The following CNIH3 variants were observed in gnomAD, a reference collection of about 807,000 sequenced individuals.
The protein encoded by CNIH3 is cornichon family AMPA receptor auxiliary protein 3.
A neutral mutation model predicts 24.1 loss-of-function variants in CNIH3; 14 were observed. That is an observed-to-expected ratio of 0.58 (90% CI 0.38 to 0.91). The LOEUF is 0.91. Among genes scored for constraint, CNIH3 ranks in the 40% least tolerant of loss-of-function variants. CNIH3 has a pLI of 0.00. For missense variants in CNIH3, 178 were observed against 196.8 expected (o/e 0.90, Z 0.57); for synonymous variants, 68 against 73.8 (o/e 0.92, Z 0.40).
intron 4 of CNIH3, among the ~76,000 whole-genome samples, chr1:224,573,384 A>G (rs528832766): frequency 4.6e-5 from 7 of 152,304 alleles, no homozygotes; most frequent in Admixed American, 4.6e-4. Context: ...AGATGTATGA[A>G]AATGGGTCTG....
At chr1:224,462,375 C>A (rs1259722021) in intron 1 of CNIH3, among the ~76,000 whole-genome samples, 1 of 152,096 alleles carries the variant, frequency 6.6e-6, no homozygotes, top group African/African-American at 2.4e-5. Context: ...GCCCTGTCAC[C>A]CAGGTTGGAG....
At chr1:224,494,425 A>G (rs986308532) in intron 1 of CNIH3, among the ~76,000 whole-genome samples, 4 of 152,154 alleles carry the variant, frequency 2.6e-5, no homozygotes, top group African/African-American at 7.2e-5. Flanking sequence ...CCAGTGCTAC[A>G]TCTTGTGTTC....
At chr1:224,509,106 C>T (rs969675247) in intron 1 of CNIH3, among the ~76,000 whole-genome samples, 4 of 152,080 alleles carry the variant, frequency 2.6e-5, no homozygotes, top group East Asian at 1.9e-4. Flanking sequence ...GTGGATCACT[C>T]GAGGTCAGGA....
At chr1:224,676,360 C>G (rs1035536447) in intron 1 of CNIH3, among the ~76,000 whole-genome samples, 4 of 151,220 alleles carry the variant, frequency 2.6e-5, no homozygotes, top group African/African-American at 7.3e-5. Flanking sequence ...TGAGACATGG[C>G]GGGGGGGTGT....
At chr1:224,568,067 G>A (rs962575493) in intron 4 of CNIH3, among the ~76,000 whole-genome samples, 7 of 152,236 alleles carry the variant, frequency 4.6e-5, no homozygotes, top group Admixed American at 1.3e-4. Context: ...CAAGGCGGGC[G>A]GATCACGAGG....
intron 1 of CNIH3, among the ~76,000 whole-genome samples, chr1:224,640,619 T>C (rs1459192399): frequency 6.6e-6 from 1 of 152,110 alleles, no homozygotes; most frequent in Non-Finnish European, 1.5e-5. Context: ...CTCTGCTCAT[T>C]AGTTTCTGTG....
intron 4 of CNIH3, among the ~76,000 whole-genome samples, chr1:224,576,540 G>C (rs1681045178): frequency 6.6e-6 from 1 of 152,104 alleles, no homozygotes; most frequent in African/African-American, 2.4e-5. Flanking sequence ...AGGAAGAGAG[G>C]GATTTAGTTT....
intron 2 of CNIH3, among the ~76,000 whole-genome samples, chr1:224,533,288 G>A (rs563776024): frequency 6.0e-4 from 90 of 151,156 alleles, no homozygotes; most frequent in African/African-American, 1.9e-3. Context: ...GTAGTGGCGC[G>A]CCCTTATATT....
chr1:224,579,855 C>T (rs1681198473), intron 4 of CNIH3, among the ~76,000 whole-genome samples: 1 of 152,198 alleles, frequency 6.6e-6, no homozygotes, highest in Admixed American at 6.5e-5. Context: ...GAGGCTCTCA[C>T]CAGATGCCCA....
intron 3 of CNIH3, among the ~76,000 whole-genome samples, chr1:224,706,139 GA>G (rs1687797764): frequency 6.6e-6 from 1 of 152,112 alleles, no homozygotes; most frequent in Admixed American, 6.5e-5. Context: ...TTTGGTGAAT[GA>G]AAGCAAAAGA....
chr1:224,611,550 C>T (rs1682699708), upstream of CNIH3: 1 of 152,232 alleles, frequency 6.6e-6, no homozygotes, highest in Admixed American at 6.5e-5. Context: ...TTGATTTCCT[C>T]CTTATGGTCA....
At chr1:224,695,995 A>G (rs1444564908) in intron 3 of CNIH3, among the ~76,000 whole-genome samples, 1 of 152,208 alleles carries the variant, frequency 6.6e-6, no homozygotes, top group African/African-American at 2.4e-5. Context: ...TGTGAGAGGC[A>G]GGAAAGCGTA....
chr1:224,569,517 G>A (rs1015006090), intron 4 of CNIH3, among the ~76,000 whole-genome samples: 1 of 152,142 alleles, frequency 6.6e-6, no homozygotes, highest in South Asian at 2.1e-4. Flanking sequence ...TTGTGCACAC[G>A]TACAGGAGCT....
intron 3 of CNIH3, among the ~76,000 whole-genome samples, chr1:224,686,073 T>A (rs1191111181): frequency 7.2e-5 from 11 of 151,966 alleles, no homozygotes; most frequent in African/African-American, 2.7e-4. Flanking sequence ...TTGTTACATA[T>A]GTATACATGT....
Position 224,706,660 on chromosome 1 carries a change from G to A in CNIH3, c.198+21817G>A, listed in dbSNP as rs115154137. Among the ~76,000 whole-genome samples the A allele has an allele frequency of 9.6e-3, 1,468 of 152,262 alleles. 30 individuals are homozygous for A. Among genetic ancestry groups the A allele is most frequent in the African/African-American group, 0.033 (1,359 of 41,542 alleles). Reference sequence around the variant, plus strand: ...TCTCTTTAATGGAAAAGCTAGAAAGGATCTTAGTGAATTCTGGCCTCGCTC... The same window carrying A: ...TCTCTTTAATGGAAAAGCTAGAAAGAATCTTAGTGAATTCTGGCCTCGCTC... On this transcript the variant is annotated intron_variant, in intron 3 of 5. Coordinates refer to ENST00000272133, the MANE Select transcript of CNIH3 (RefSeq NM_152495.2).
In CNIH3 at chr1:224,677,517, A is replaced by T. The variant is rs146038987; in HGVS notation, c.82-3441A>T. On this transcript the variant is annotated intron_variant, in intron 1 of 5. Transcript: ENST00000272133. ...GTCCTCATGGGTGCACTGCCATCAC[A>T]TCATCAGAAAGCACCCATGAAGGAC... Among the ~76,000 whole-genome samples the T allele has an allele frequency of 5.7e-3, 874 of 152,318 alleles. 8 individuals carry two copies. Among genetic ancestry groups the T allele is most frequent in the African/African-American group, 0.019 (808 of 41,574 alleles).
intron 1 of CNIH3, among the ~76,000 whole-genome samples, chr1:224,643,457 G>T (rs1684457243): frequency 6.6e-6 from 1 of 152,226 alleles, no homozygotes; most frequent in Non-Finnish European, 1.5e-5. Context: ...CCGCAGCCCA[G>T]TCGGCTTGTC....
At chr1:224,700,790 G>A (rs1420211570) in intron 3 of CNIH3, among the ~76,000 whole-genome samples, 1 of 152,148 alleles carries the variant, frequency 6.6e-6, no homozygotes, top group Admixed American at 6.5e-5. Flanking sequence ...GGACCTAGAT[G>A]GTTGGCTCAA....
chr1:224,559,050 A>G (rs914394025), intron 3 of CNIH3, among the ~76,000 whole-genome samples: 1 of 152,210 alleles, frequency 6.6e-6, no homozygotes, highest in Non-Finnish European at 1.5e-5. Flanking sequence ...TGGTACCTAA[A>G]GTACGTTGGT....
Sources: gnomAD v4.1 joint callset for allele counts (sites outside exome capture counted in the v4.1 genomes callset) on GRCh38, gnomAD v4.1.1 for gene constraint, MANE v1.5 for transcripts, NCBI Gene and HGNC (gene_info 2026-07-23, HGNC 2026-07-21) for gene names.